The following SSPN variants were observed in gnomAD, a reference collection of about 807,000 sequenced individuals.
The protein encoded by SSPN is K-ras oncogene-associated protein.
SSPN carries 15 observed loss-of-function variants against 19.1 expected under a neutral mutation model. That is an observed-to-expected ratio of 0.78 (90% CI 0.52 to 1.21). The LOEUF (loss-of-function observed/expected upper bound fraction) is 1.21. SSPN is among the 50% of genes most tolerant of loss of function. The pLI, the probability that SSPN is intolerant of heterozygous loss-of-function variation, is 0.00. For missense variants in SSPN, 291 were observed against 314.0 expected (o/e 0.93, Z 0.55); for synonymous variants, 147 against 140.3 (o/e 1.05, Z -0.34).
intron 1 of SSPN, among the ~76,000 whole-genome samples, chr12:26,199,602 A>C (rs1257079468): frequency 1.3e-5 from 2 of 152,218 alleles, no homozygotes; most frequent in Non-Finnish European, 2.9e-5. Context: ...TGGCTTTAGT[A>C]GCTAAGTCAG....
intron 2 of SSPN, among the ~76,000 whole-genome samples, chr12:26,226,419 G>A (rs1945176530): frequency 6.6e-6 from 1 of 152,134 alleles, no homozygotes; most frequent in African/African-American, 2.4e-5. Flanking sequence ...ACAAGCAAAC[G>A]GGCCATGATG....
intron 1 of SSPN, among the ~76,000 whole-genome samples, chr12:26,153,916 C>T (rs911157877): frequency 2.6e-5 from 4 of 152,206 alleles, no homozygotes; most frequent in African/African-American, 9.7e-5. Context: ...AGCTACGATT[C>T]CTGAAGCAGC....
At chr12:26,144,128 C>A (rs865997138) in intron 1 of SSPN, among the ~76,000 whole-genome samples, 2 of 152,158 alleles carry the variant, frequency 1.3e-5, no homozygotes, top group Non-Finnish European at 2.9e-5. Flanking sequence ...CTGAAACCAT[C>A]GCCACCACCC....
At chr12:26,224,540 A>C (rs1269325889) in intron 2 of SSPN, among the ~76,000 whole-genome samples, 161 bp downstream of exon 2, 2 of 152,206 alleles carry the variant, frequency 1.3e-5, no homozygotes, top group African/African-American at 4.8e-5. Context: ...TCCAGACCTC[A>C]AAGGTAATGC....
At chr12:26,131,778 G>A (rs1944398585) in intron 1 of SSPN, among the ~76,000 whole-genome samples, 1 of 152,192 alleles carries the variant, frequency 6.6e-6, no homozygotes, top group South Asian at 2.1e-4. Flanking sequence ...AATGTCCAGT[G>A]CTCTCAATTC....
upstream of SSPN, among the ~76,000 whole-genome samples, chr12:26,192,745 G>T (rs562280124): frequency 6.6e-6 from 1 of 152,200 alleles, no homozygotes; most frequent in African/African-American, 2.4e-5. Flanking sequence ...ATTTCAGTGC[G>T]TCTGGGATGT....
intron 1 of SSPN, among the ~76,000 whole-genome samples, chr12:26,206,002 C>T (rs1015960011): frequency 6.6e-6 from 1 of 152,158 alleles, no homozygotes; most frequent in African/African-American, 2.4e-5. Context: ...TTTTTAAATG[C>T]ACATAGGGTG....
At chr12:26,215,362 G>A (rs1391852693) in intron 1 of SSPN, among the ~76,000 whole-genome samples, 1 of 152,180 alleles carries the variant, frequency 6.6e-6, no homozygotes, top group Non-Finnish European at 1.5e-5. Context: ...TTAGTAATGA[G>A]TAATGTGCCA....
intron 1 of SSPN, among the ~76,000 whole-genome samples, chr12:26,178,672 G>A (rs1944699845): frequency 6.6e-6 from 1 of 152,218 alleles, no homozygotes; most frequent in Admixed American, 6.5e-5. Context: ...CTTAGGTGCA[G>A]ACACGTGCCT....
intron 1 of SSPN, among the ~76,000 whole-genome samples, chr12:26,132,517 A>G (rs995976866): frequency 7.2e-5 from 11 of 152,170 alleles, no homozygotes; most frequent in Admixed American, 7.2e-4. Flanking sequence ...ATTCCAGAAA[A>G]TGTAGTCAGT....
intron 1 of SSPN, among the ~76,000 whole-genome samples, chr12:26,155,767 C>T (rs12314580): frequency 0.018 from 2,685 of 152,286 alleles, 84 homozygotes; most frequent in African/African-American, 0.06. Flanking sequence ...GCACATGAAG[C>T]CCACTTTGCT....
chr12:26,231,291 G>A lies in SSPN; in HGVS notation c.*215G>A. 1 of 670,750 alleles carries A rather than the reference G, an allele frequency of 1.5e-6. No homozygotes were observed. The highest frequency in any genetic ancestry group is 2.2e-6 in the Non-Finnish European group (1 of 444,566). The allele number at this position is 670,750 out of a possible 1,614,324, so 41.5% of individuals were successfully genotyped here. On this transcript the variant is annotated 3_prime_UTR_variant, in exon 3 of 3. Coordinates refer to ENST00000242729, the MANE Select transcript of SSPN (RefSeq NM_005086.5). ...TTGCAGAGAAAGCAAGATCCAAATTGATTTTGGGATATTAAAAGTTAACAG... is the reference window on the plus strand; with the variant it reads ...TTGCAGAGAAAGCAAGATCCAAATTAATTTTGGGATATTAAAAGTTAACAG...
At chr12:26,154,117 T>C (rs1012850663) in intron 1 of SSPN, among the ~76,000 whole-genome samples, 1 of 152,200 alleles carries the variant, frequency 6.6e-6, no homozygotes, top group Non-Finnish European at 1.5e-5. Flanking sequence ...TGGGCATATT[T>C]CTCTTGAACC....
chr12:26,167,068 T>G (rs566726974), intron 1 of SSPN, among the ~76,000 whole-genome samples: 10 of 152,244 alleles, frequency 6.6e-5, no homozygotes, highest in Non-Finnish European at 1.2e-4. Flanking sequence ...AAAATAGTTA[T>G]GTTAATTAAA....
At chr12:26,221,552 T>C (rs949001807) in intron 1 of SSPN, among the ~76,000 whole-genome samples, 3 of 152,216 alleles carry the variant, frequency 2.0e-5, no homozygotes, top group African/African-American at 7.2e-5. Context: ...CATGTGTTCC[T>C]ATGCAACTTC....
At chr12:26,124,814 T>G in intron 1 of SSPN, 1 of 1,610,358 alleles carries the variant, frequency 6.2e-7, no homozygotes, top group Non-Finnish European at 8.5e-7. Context: ...GTTTCGATTT[T>G]TGGGGCTCTG....
intron 1 of SSPN, chr12:26,124,738 C>T: frequency 6.2e-7 from 1 of 1,614,184 alleles, no homozygotes; most frequent in East Asian, 2.2e-5. Context: ...CTCTATGTTC[C>T]AGTAACTGTC....
chr12:26,179,436 C>A (rs1219738744), intron 1 of SSPN, among the ~76,000 whole-genome samples: 1 of 152,112 alleles, frequency 6.6e-6, no homozygotes, highest in African/African-American at 2.4e-5. Context: ...GGACAGGAGC[C>A]AGGCACTCTG....
chr12:26,194,421 T>G (rs1395172623), upstream of SSPN, among the ~76,000 whole-genome samples: 1 of 152,250 alleles, frequency 6.6e-6, no homozygotes, highest in Non-Finnish European at 1.5e-5. Context: ...AGTCTTGCTC[T>G]GTCGCCCAGG....
Sources: gnomAD v4.1 joint callset for allele counts (sites outside exome capture counted in the v4.1 genomes callset) on GRCh38, gnomAD v4.1.1 for gene constraint, MANE v1.5 for transcripts, NCBI Gene and HGNC (gene_info 2026-07-23, HGNC 2026-07-21) for gene names.